The following KCNIP4 variants were observed in gnomAD, a reference collection of about 807,000 sequenced individuals.
The protein encoded by KCNIP4 is potassium voltage-gated channel interacting protein 4.
In KCNIP4, 12 loss-of-function variants were observed where a neutral mutation model predicts 34.0. That is an observed-to-expected ratio of 0.35 (90% CI 0.23 to 0.57). KCNIP4 has a LOEUF of 0.57. Among genes scored for constraint, KCNIP4 ranks in the 20% least tolerant of loss-of-function variants. KCNIP4 has a pLI of 0.83. For synonymous variants in KCNIP4, 124 were observed against 102.2 expected (o/e 1.21, Z -1.29); for missense variants, 238 against 311.7 (o/e 0.76, Z 1.78).
intron 1 of KCNIP4, among the ~76,000 whole-genome samples, chr4:21,771,443 T>C (rs1293347283): frequency 1.3e-5 from 2 of 152,190 alleles, no homozygotes; most frequent in Non-Finnish European, 2.9e-5. Flanking sequence ...TGATTCCACA[T>C]GAAATTGAAA....
intron 1 of KCNIP4, among the ~76,000 whole-genome samples, chr4:21,323,160 ATATG>A (rs71189691): frequency 0.45 from 52,707 of 117,420 alleles, 9,839 homozygotes; most frequent in Middle Eastern, 0.5. Flanking sequence ...ATATATATAT[ATATG>A]TATATATATA....
At chr4:21,598,909 A>T (rs1742869716) in intron 1 of KCNIP4, among the ~76,000 whole-genome samples, 1 of 152,006 alleles carries the variant, frequency 6.6e-6, no homozygotes, top group Non-Finnish European at 1.5e-5. Context: ...CCACATTATG[A>T]CTCCTGGAAG....
At chr4:20,956,976 T>C (rs1733375329) in intron 1 of KCNIP4, among the ~76,000 whole-genome samples, 1 of 152,076 alleles carries the variant, frequency 6.6e-6, no homozygotes, top group African/African-American at 2.4e-5. Context: ...ATGTATATAG[T>C]TTGATTAGTA....
At chr4:21,891,694 G>T (rs143867338) in intron 1 of KCNIP4, among the ~76,000 whole-genome samples, 1 of 151,988 alleles carries the variant, frequency 6.6e-6, no homozygotes, top group Admixed American at 6.6e-5. Flanking sequence ...TTGTCCAAAG[G>T]AATTTAAAGC....
intron 1 of KCNIP4, among the ~76,000 whole-genome samples, chr4:21,475,203 A>G (rs1321864690): frequency 6.6e-6 from 1 of 152,154 alleles, no homozygotes; most frequent in Non-Finnish European, 1.5e-5. Context: ...AGGAGAATAT[A>G]TATATCTCTA....
chr4:21,904,830 A>C (rs1727905528), intron 1 of KCNIP4, among the ~76,000 whole-genome samples: 1 of 152,174 alleles, frequency 6.6e-6, no homozygotes, highest in African/African-American at 2.4e-5. Flanking sequence ...ATCCCAAGTC[A>C]CAACAACCAT....
At chr4:21,948,220 G>C (rs1300717671) in intron 1 of KCNIP4, among the ~76,000 whole-genome samples, 3 of 152,194 alleles carry the variant, frequency 2.0e-5, no homozygotes, top group African/African-American at 7.2e-5. Context: ...CAGGTGTTAG[G>C]GGAAGGAAGC....
rs757161783 is a variant in KCNIP4 at position 21,796,810 on chromosome 4, CG to C, written c.61+151760del. Among the ~76,000 whole-genome samples the C allele has an allele frequency of 4.5e-4, 68 of 152,074 alleles. 1 individual carries two copies. The highest frequency in any genetic ancestry group is 5.1e-4 in the Non-Finnish European group (35 of 68,020). On this transcript the variant is annotated intron_variant, in intron 1 of 8. Transcript: ENST00000382152. ...ATCAATGATTTAATTCTGTGGTTTG[CG>C]GGAGTCAAGATTACATGTTCCGGAA...
chr4:21,707,932 T>TACAC (rs3050896), intron 1 of KCNIP4, among the ~76,000 whole-genome samples: 1,912 of 146,908 alleles, frequency 0.013, 25 homozygotes, highest in South Asian at 0.057. Flanking sequence ...AACACACACA[T>TACAC]ACACACACAC....
chr4:20,885,869 A>G (rs1725249887), intron 1 of KCNIP4, among the ~76,000 whole-genome samples: 1 of 152,182 alleles, frequency 6.6e-6, no homozygotes, highest in Non-Finnish European at 1.5e-5. Flanking sequence ...ATCTGAATCT[A>G]AACTTCTGCT....
At chr4:21,195,084 T>C (rs1755961035) in intron 1 of KCNIP4, among the ~76,000 whole-genome samples, 1 of 152,150 alleles carries the variant, frequency 6.6e-6, no homozygotes, top group Admixed American at 6.6e-5. Flanking sequence ...TATATTCTCC[T>C]GGGAATCACA....
chr4:21,456,843 C>T (rs1456669504), intron 1 of KCNIP4, among the ~76,000 whole-genome samples: 3 of 152,010 alleles, frequency 2.0e-5, no homozygotes, highest in Non-Finnish European at 2.9e-5. Context: ...GATTAGGGTG[C>T]TCTGCATGAA....
At chr4:21,381,894 A>G (rs1429692156) in intron 1 of KCNIP4, among the ~76,000 whole-genome samples, 1 of 152,160 alleles carries the variant, frequency 6.6e-6, no homozygotes, top group Non-Finnish European at 1.5e-5. Context: ...CCCACATATC[A>G]CCAATGGTCT....
At position 21,145,204 on chromosome 4, in the gene KCNIP4, G is replaced by A. The variant is rs1290058875; in HGVS notation, c.62-262495C>T. ...CACCTACTCACAGGGGCCATGCAAA[G>A]AAGTAACCCTAATACTCAGGCTTCC... On this transcript the variant is annotated intron_variant, in intron 1 of 8. Coordinates refer to ENST00000382152, the MANE Select transcript of KCNIP4 (RefSeq NM_025221.6). Among the ~76,000 whole-genome samples the A allele has an allele frequency of 2.0e-5, 3 of 152,132 alleles. No homozygotes were observed. The East Asian group carries it at 5.8e-4, about 29-fold the overall frequency.
At chr4:21,327,144 C>A (rs1330463884) in intron 1 of KCNIP4, among the ~76,000 whole-genome samples, 2 of 151,970 alleles carry the variant, frequency 1.3e-5, no homozygotes, top group Non-Finnish European at 2.9e-5. Context: ...TTACTATTAC[C>A]AGTGACTTTG....
At chr4:20,994,298 A>T (rs1382845753) in intron 1 of KCNIP4, among the ~76,000 whole-genome samples, 1 of 152,230 alleles carries the variant, frequency 6.6e-6, no homozygotes, top group African/African-American at 2.4e-5. Context: ...AAGATAACAT[A>T]AACTGAAGCT....
Position 21,119,251 on chromosome 4 carries a change from T to G in KCNIP4, c.62-236542A>C, listed in dbSNP as rs891358418. Among the ~76,000 whole-genome samples the G allele has an allele frequency of 7.2e-5, 11 of 152,022 alleles. 1 individual carries two copies. The highest frequency in any genetic ancestry group is 2.7e-4 in the African/African-American group (11 of 41,410). ...ATGAGAATTTTGAGAAGTGGAACTT[T>G]AGCTTCCTCCAGGCTCCAGAGACAT... On this transcript the variant is annotated intron_variant, in intron 1 of 8. Coordinates refer to ENST00000382152, the MANE Select transcript of KCNIP4 (RefSeq NM_025221.6).
intron 1 of KCNIP4, among the ~76,000 whole-genome samples, chr4:21,101,084 T>TA (rs1747898064): frequency 1.3e-5 from 2 of 152,196 alleles, no homozygotes; most frequent in South Asian, 4.1e-4. Context: ...TTGTGCCTAA[T>TA]AAGTAATTTT....
chr4:20,965,577 T>G (rs1441265938), intron 1 of KCNIP4, among the ~76,000 whole-genome samples: 1 of 152,188 alleles, frequency 6.6e-6, no homozygotes, highest in Non-Finnish European at 1.5e-5. Flanking sequence ...ATAGACATAT[T>G]CTGGTCTCTC....
Sources: gnomAD v4.1 joint callset for allele counts (sites outside exome capture counted in the v4.1 genomes callset) on GRCh38, gnomAD v4.1.1 for gene constraint, MANE v1.5 for transcripts, NCBI Gene and HGNC (gene_info 2026-07-23, HGNC 2026-07-21) for gene names.